The following FREM1 variants were observed in gnomAD, a reference collection of about 807,000 sequenced individuals.
The protein encoded by FREM1 is FRAS1 related extracellular matrix 1.
Under a neutral mutation model 210.1 loss-of-function variants are expected in FREM1, and 220 were observed. That is an observed-to-expected ratio of 1.05 (90% CI 0.94 to 1.17). FREM1 has a LOEUF of 1.17. Among genes scored for constraint, FREM1 ranks in the 50% most tolerant of loss-of-function variants. The pLI is 0.00. For synonymous variants in FREM1, 1,189 were observed against 980.2 expected (o/e 1.21, Z -3.98); for missense variants, 3,454 against 2,675.5 (o/e 1.29, Z -6.42).
intron 35 of FREM1, among the ~76,000 whole-genome samples, chr9:14,740,825 T>C (rs1160805049): frequency 1.3e-5 from 2 of 152,142 alleles, no homozygotes; most frequent in African/African-American, 4.8e-5. Context: ...GTAAAATATT[T>C]TTCACAAAAC....
chr9:14,750,082 G>A, intron 30 of FREM1, 45 bp downstream of exon 30: 1 of 1,603,642 alleles, frequency 6.2e-7, no homozygotes. Context: ...AAGAGCTACA[G>A]CGCCAGGACC....
At chr9:14,884,915 CTTTTTTTTT>C (rs745465527) in intron 1 of FREM1, among the ~76,000 whole-genome samples, 4 of 70,396 alleles carry the variant, frequency 5.7e-5, no homozygotes, top group Non-Finnish European at 1.0e-4. Context: ...TTCATCATAG[CTTTTTTTTT>C]TTTTTTTTTT....
chr9:14,880,738 A>G (rs1199351983), intron 1 of FREM1, among the ~76,000 whole-genome samples: 1 of 152,230 alleles, frequency 6.6e-6, no homozygotes, highest in Non-Finnish European at 1.5e-5. Context: ...GATAACTTGA[A>G]AATAAACATT....
chr9:14,761,718 T>A (rs1845531164), intron 27 of FREM1, among the ~76,000 whole-genome samples: 1 of 152,194 alleles, frequency 6.6e-6, no homozygotes, highest in East Asian at 1.9e-4. Flanking sequence ...CTGTTCCACT[T>A]GGGGCAAGAA....
At chr9:14,903,445 T>C (rs1165705203) in intron 1 of FREM1, among the ~76,000 whole-genome samples, 1 of 151,942 alleles carries the variant, frequency 6.6e-6, no homozygotes, top group Non-Finnish European at 1.5e-5. Flanking sequence ...AATGGATTCA[T>C]GTTAAAAGGG....
chr9:14,806,908 G>T, intron 17 of FREM1, 62 bp from the exon 18 acceptor site: 1 of 1,011,890 alleles, frequency 9.9e-7, no homozygotes, highest in Non-Finnish European at 1.4e-6. Flanking sequence ...GACTGGGTAG[G>T]ACAAAATGCA....
chr9:14,813,145 C>G, intron 15 of FREM1, 81 bp from the exon 16 acceptor site: 1 of 1,380,164 alleles, frequency 7.2e-7, no homozygotes, highest in African/African-American at 1.4e-5. Context: ...TGCTCATAGT[C>G]AGAATGACAG....
chr9:14,801,590 T>C (rs1044834270), intron 20 of FREM1, 62 bp downstream of exon 20: 2 of 1,157,000 alleles, frequency 1.7e-6, no homozygotes, highest in South Asian at 1.4e-5. Context: ...ATTTCACATA[T>C]AAGTATGGGT....
intron 1 of FREM1, among the ~76,000 whole-genome samples, chr9:14,901,649 A>T (rs1001610531): frequency 1.3e-5 from 2 of 152,124 alleles, no homozygotes; most frequent in African/African-American, 2.4e-5. Flanking sequence ...TTTAGTTCAC[A>T]TGTCTTATTG....
intron 3 of FREM1, among the ~76,000 whole-genome samples, chr9:14,863,342 A>G (rs1021175434): frequency 8.9e-5 from 7 of 78,544 alleles, no homozygotes. Flanking sequence ...CTCCGTCTCA[A>G]AAAAAAAAAA....
At chr9:14,868,049 A>T (rs1165132906) in intron 2 of FREM1, among the ~76,000 whole-genome samples, 1 of 152,212 alleles carries the variant, frequency 6.6e-6, no homozygotes, top group East Asian at 1.9e-4. Flanking sequence ...AATTTCAAAG[A>T]ACAGTGAATA....
At chr9:14,813,716 C>CT (rs1819802877) in intron 15 of FREM1, among the ~76,000 whole-genome samples, 1 of 152,066 alleles carries the variant, frequency 6.6e-6, no homozygotes, top group Non-Finnish European at 1.5e-5. Context: ...CGCTGGCACT[C>CT]TAAATTTAAA....
At position 14,756,416 on chromosome 9, in the gene FREM1, C is replaced by T; in HGVS notation, c.5365G>A (p.Asp1789Asn). 6.2e-7 allele frequency: 1 copy of T among 1,601,612 alleles called. No homozygotes were observed. The highest frequency in any genetic ancestry group is 1.1e-5 in the South Asian group (1 of 88,084). ...AGTTTAGATGGAATCACGGTGAAAT[C>T]TTTTCCAACTGCAGCTGACACTTGG... is the stretch of plus-strand genomic sequence containing the variant. ...VNQVSAAVGKDFTVIPSKLIQ... is the reference protein window; with the variant it reads ...VNQVSAAVGKNFTVIPSKLIQ... Residue 1789 changes from aspartate (D) to asparagine (N), a missense_variant, in exon 29 of 37, where the codon GAT (aspartate) becomes AAT (asparagine). Physicochemically the swap from Asp to Asn is conservative, Grantham distance 23. Coordinates refer to ENST00000380880, the MANE Select transcript of FREM1 (RefSeq NM_001379081.2).
chr9:14,893,706 G>A (rs1386880196), intron 1 of FREM1, among the ~76,000 whole-genome samples: 1 of 152,200 alleles, frequency 6.6e-6, no homozygotes, highest in Non-Finnish European at 1.5e-5. Flanking sequence ...GCTGTGTAAA[G>A]AAAGTAAAAT....
At chr9:14,761,939 C>T (rs1197900525) in intron 27 of FREM1, among the ~76,000 whole-genome samples, 1 of 152,196 alleles carries the variant, frequency 6.6e-6, no homozygotes, top group Non-Finnish European at 1.5e-5. Context: ...TTATTAATCT[C>T]TTACTGTGCC....
Position 14,737,667 on chromosome 9 carries a change from C to A in FREM1, c.6341-72G>T. 3.2e-6 allele frequency: 4 copies of A among 1,241,046 alleles called. 1 individual carries two copies. In the South Asian group the frequency reaches 7.8e-5, roughly 24 times the overall value. 76.9% of individuals were successfully genotyped at this position (1,241,046 alleles called of 1,614,324 possible). A position where few individuals can be genotyped will look rare whatever the true frequency, so the allele number is the denominator to read the frequency against. Reference sequence around the variant, plus strand: ...ACTTAGATATCATATCCAGCTGTTGCTCTAAGCTCAGTTATCACATGCAAG... The same window carrying A: ...ACTTAGATATCATATCCAGCTGTTGATCTAAGCTCAGTTATCACATGCAAG... On this transcript the variant is annotated intron_variant, in intron 36 of 36. Transcript: ENST00000380880.
Position 14,846,868 on chromosome 9 carries a change from G to A in FREM1, c.1262-777C>T, listed in dbSNP as rs532477401. Among the ~76,000 whole-genome samples the A allele has an allele frequency of 5.9e-5, 9 of 152,220 alleles. No individual in the cohort carries two copies. In the East Asian group the frequency reaches 1.6e-3, roughly 26 times the overall value. ...AACTGACTGTTCTCTAGCTGCAGCC[G>A]CCCCATGAGGGTTCCCAGTCTCCAA... On this transcript the variant is annotated intron_variant, in intron 7 of 36. Transcript: ENST00000380880.
At position 14,806,823 on chromosome 9, in the gene FREM1, C is replaced by G; in HGVS notation, c.3112G>C (p.Gly1038Arg). 6.2e-7 allele frequency: 1 copy of G among 1,603,728 alleles called. No individual in the cohort carries two copies. The highest frequency in any genetic ancestry group is 8.5e-7 in the Non-Finnish European group (1 of 1,174,502). The change falls in exon 18 of 37, where the codon GGC becomes CGC. Residue 1038 changes from glycine (G) to arginine (R), a missense_variant. By Grantham distance (125) the Gly-to-Arg change is moderately radical. Transcript: ENST00000380880. Reference sequence around the variant, plus strand: ...TTAACAGTAAGGGCTGTTGAGCAGCCCTCATCTACAACAAACACGGGACCT... The same window carrying G: ...TTAACAGTAAGGGCTGTTGAGCAGCGCTCATCTACAACAAACACGGGACCT... ...AIGPVFVVDE[G>R]CSTALTVNHL...
At chr9:14,805,266 T>C (rs568591752) in intron 18 of FREM1, 114 bp from the exon 19 acceptor site, 54 of 563,314 alleles carry the variant, frequency 9.6e-5, no homozygotes, top group Non-Finnish European at 1.6e-4. Context: ...TAAGAGATCA[T>C]AGCAGTTGAC....
Sources: allele counts gnomAD v4.1 joint callset (sites outside exome capture counted in the v4.1 genomes callset), GRCh38; gene constraint gnomAD v4.1.1; transcripts MANE v1.5; gene names NCBI Gene and HGNC (gene_info 2026-07-23, HGNC 2026-07-21).